KAZN: variants seen among roughly 807,000 people sequenced by gnomAD.
The protein encoded by KAZN is kazrin, periplakin interacting protein.
KAZN carries 40 observed loss-of-function variants against 87.4 expected under a neutral mutation model. The observed-to-expected ratio is 0.46, with a 90% CI of 0.36 to 0.60. The LOEUF is 0.60. Among genes scored for constraint, KAZN ranks in the 20% least tolerant of loss-of-function variants. KAZN has a pLI of 0.00. For missense variants in KAZN, 898 were observed against 1,073.9 expected (o/e 0.84, Z 2.29); for synonymous variants, 466 against 458.3 (o/e 1.02, Z -0.22).
At chr1:15,006,498 T>A (rs1051376429) in intron 2 of KAZN, among the ~76,000 whole-genome samples, 1 of 152,226 alleles carries the variant, frequency 6.6e-6, no homozygotes, top group African/African-American at 2.4e-5. Context: ...CCCGTCATCA[T>A]ATTTTATCCC....
intron 1 of KAZN, among the ~76,000 whole-genome samples, chr1:14,798,580 G>A (rs1317518286): frequency 4.8e-5 from 7 of 146,946 alleles, no homozygotes; most frequent in African/African-American, 7.6e-5. Context: ...GACTACAGGC[G>A]CCCGCCACCA....
chr1:14,278,330 G>A (rs910798279), intron 2 of KAZN, among the ~76,000 whole-genome samples: 9 of 138,040 alleles, frequency 6.5e-5, no homozygotes, highest in South Asian at 2.3e-4. Flanking sequence ...TTGCTCTGTC[G>A]CACAGGCTGG....
intron 2 of KAZN, among the ~76,000 whole-genome samples, chr1:14,254,572 A>G (rs1650333263): frequency 6.6e-6 from 1 of 152,190 alleles, no homozygotes; most frequent in Admixed American, 6.5e-5. Context: ...TAAATTGTCC[A>G]TGCAATAAAT....
At position 14,089,109 on chromosome 1, in the gene KAZN, CT is replaced by C. The variant is rs146267613; in HGVS notation, c.92-91323del. 6.5e-3 allele frequency among the ~76,000 whole-genome samples: 992 copies of C among 151,976 alleles called. 10 individuals are homozygous for C. In the South Asian group the frequency reaches 0.066, roughly 10 times the overall value. On this transcript the variant is annotated intron_variant, in intron 1 of 16. Transcript: ENST00000636203. ...CTGCACCCACACATGCATAACCTCCCTTTAATATCAACATCTGCCACCAAAA... is the reference window on the plus strand; with the variant it reads ...CTGCACCCACACATGCATAACCTCCCTTAATATCAACATCTGCCACCAAAA...
At chr1:14,631,239 G>A (rs1679539007) in intron 1 of KAZN, among the ~76,000 whole-genome samples, 1 of 152,206 alleles carries the variant, frequency 6.6e-6, no homozygotes, top group Admixed American at 6.5e-5. Flanking sequence ...AAAGGGCGGA[G>A]CTGCCACGGC....
At chr1:14,946,342 CT>C (rs61663690) in intron 1 of KAZN, among the ~76,000 whole-genome samples, 39,029 of 136,458 alleles carry the variant, frequency 0.29, 5,596 homozygotes, top group African/African-American at 0.39. Context: ...TTAATTCTCT[CT>C]TTTTTTTTTT....
chr1:14,101,381 C>G (rs1644246108), intron 1 of KAZN, among the ~76,000 whole-genome samples: 1 of 152,156 alleles, frequency 6.6e-6, no homozygotes, highest in African/African-American at 2.4e-5. Flanking sequence ...GTTTTTATCT[C>G]CTTTTTCAGA....
rs1640833350 is a variant in KAZN at position 15,096,978 on chromosome 1, A to G, written c.1547+2045A>G. Among the ~76,000 whole-genome samples, 1 of 152,158 alleles carries G rather than the reference A, an allele frequency of 6.6e-6. No individual in the cohort carries two copies. The highest frequency in any genetic ancestry group is 1.5e-5 in the Non-Finnish European group (1 of 68,020). On this transcript the variant is annotated intron_variant, in intron 10 of 14. Transcript: ENST00000376030. This position sits in a 1 kb window ranked among gnomAD's most constrained non-coding sequence, Gnocchi z 4.5. The stretch of plus-strand genomic sequence containing the variant: ...GAGTCTGTGGTCCCAGGGATCGTGG[A>G]GCCCCACCCTTAGACACCCCCAGGG...
At chr1:14,867,735 C>CCA (rs778539890) in intron 1 of KAZN, among the ~76,000 whole-genome samples, 6 of 121,458 alleles carry the variant, frequency 4.9e-5, no homozygotes, top group South Asian at 7.5e-4. Context: ...CCCCCCCCCC[C>CCA]ACCCTGGGCA....
chr1:14,005,181 C>T (rs1165314153), intron 1 of KAZN, among the ~76,000 whole-genome samples: 2 of 152,134 alleles, frequency 1.3e-5, no homozygotes, highest in Non-Finnish European at 1.5e-5. Context: ...AAAATAATTA[C>T]TGCAGAGTAG....
At chr1:14,446,880 G>A (rs951112844) in intron 2 of KAZN, among the ~76,000 whole-genome samples, 1 of 151,904 alleles carries the variant, frequency 6.6e-6, no homozygotes, top group Non-Finnish European at 1.5e-5. Flanking sequence ...GTGCTCCATG[G>A]ATTCCTGAAT....
At chr1:15,024,162 A>T (rs1044758332) in intron 2 of KAZN, among the ~76,000 whole-genome samples, 1 of 152,148 alleles carries the variant, frequency 6.6e-6, no homozygotes, top group Non-Finnish European at 1.5e-5. Flanking sequence ...CAATGCCCAG[A>T]GGTCAGAAGG....
At chr1:14,152,965 AC>A (rs1159458546) in intron 1 of KAZN, among the ~76,000 whole-genome samples, 1 of 152,048 alleles carries the variant, frequency 6.6e-6, no homozygotes, top group Non-Finnish European at 1.5e-5. Context: ...CTTTTCATAT[AC>A]CTGTTTGCCA....
chr1:14,171,266 T>G (rs1398943561), intron 1 of KAZN, among the ~76,000 whole-genome samples: 4 of 152,208 alleles, frequency 2.6e-5, no homozygotes, highest in African/African-American at 9.7e-5. Flanking sequence ...GTGTGAGTGT[T>G]TGCTAGAACA....
chr1:14,115,180 C>G (rs886312166), intron 1 of KAZN, among the ~76,000 whole-genome samples: 2 of 152,242 alleles, frequency 1.3e-5, no homozygotes, highest in Admixed American at 1.3e-4. Flanking sequence ...GACTTGCAGA[C>G]AGCCACTTTC....
At chr1:14,277,048 T>C (rs1182531064) in intron 2 of KAZN, among the ~76,000 whole-genome samples, 2 of 152,244 alleles carry the variant, frequency 1.3e-5, no homozygotes, top group East Asian at 3.8e-4. Context: ...AAATAAGTTT[T>C]AGAAAATAAA....
chr1:14,234,421 G>C (rs566894225), intron 2 of KAZN, among the ~76,000 whole-genome samples: 23 of 152,156 alleles, frequency 1.5e-4, no homozygotes, highest in African/African-American at 5.5e-4. Flanking sequence ...GGGGGCTAGG[G>C]GTGGGATAGC....
At chr1:14,951,736 C>A (rs1428770256) in intron 1 of KAZN, among the ~76,000 whole-genome samples, 1 of 152,106 alleles carries the variant, frequency 6.6e-6, no homozygotes, top group Non-Finnish European at 1.5e-5. Context: ...CCTCAGCTTC[C>A]CAAAGTGCTG....
intron 2 of KAZN, among the ~76,000 whole-genome samples, chr1:14,390,986 C>T (rs905219462): frequency 1.1e-4 from 16 of 152,194 alleles, no homozygotes; most frequent in African/African-American, 3.4e-4. Flanking sequence ...ATATTGGCTT[C>T]GACTCAGAGT....
Sources: gnomAD v4.1 joint callset for allele counts (sites outside exome capture counted in the v4.1 genomes callset) on GRCh38, gnomAD v4.1.1 for gene constraint, Gnocchi (gnomAD v3.1) non-coding constraint, MANE v1.5 for transcripts, NCBI Gene and HGNC (gene_info 2026-07-23, HGNC 2026-07-21) for gene names.